The following EYA2 variants were observed in gnomAD, a reference collection of about 807,000 sequenced individuals.
EYA2 encodes protein phosphatase EYA2.
EYA2 carries 31 observed loss-of-function variants against 69.2 expected under a neutral mutation model. That is an observed-to-expected ratio of 0.45 (90% CI 0.34 to 0.60). EYA2 has a LOEUF of 0.60. Ranked by LOEUF, EYA2 falls within the 20% of genes least tolerant of loss-of-function variation. EYA2 has a pLI of 0.02. For synonymous variants in EYA2, 257 were observed against 279.4 expected (o/e 0.92, Z 0.80); for missense variants, 622 against 701.2 (o/e 0.89, Z 1.28).
intron 1 of EYA2, among the ~76,000 whole-genome samples, chr20:46,895,375 C>G (rs1004520610): frequency 6.6e-6 from 1 of 152,254 alleles, no homozygotes; most frequent in African/African-American, 2.4e-5. Context: ...GGCGCTCCCC[C>G]AGTCCGCAAA....
chr20:46,930,482 G>A (rs1233435128), intron 1 of EYA2, among the ~76,000 whole-genome samples: 1 of 152,110 alleles, frequency 6.6e-6, no homozygotes, highest in Non-Finnish European at 1.5e-5. Context: ...TATACACGAA[G>A]CTCAGTTGTC....
intron 9 of EYA2, among the ~76,000 whole-genome samples, chr20:47,109,885 A>G (rs1021393282): frequency 2.0e-5 from 3 of 152,120 alleles, no homozygotes; most frequent in African/African-American, 4.8e-5. Context: ...TGGCCCCACA[A>G]TAAAGGATGA....
intron 7 of EYA2, among the ~76,000 whole-genome samples, 195 bp from the exon 8 acceptor site, chr20:47,089,044 G>A (rs905330453): frequency 6.6e-6 from 1 of 152,200 alleles, no homozygotes; most frequent in Non-Finnish European, 1.5e-5. Flanking sequence ...CTGCTGGATG[G>A]ATGAAAGATA....
At chr20:47,043,492 C>A (rs1295872541) in intron 5 of EYA2, among the ~76,000 whole-genome samples, 1 of 152,200 alleles carries the variant, frequency 6.6e-6, no homozygotes, top group South Asian at 2.1e-4. Flanking sequence ...AGGCCGCATT[C>A]TTTTGTGAGG....
At chr20:47,024,789 C>G (rs1302870728) in intron 5 of EYA2, among the ~76,000 whole-genome samples, 1 of 152,236 alleles carries the variant, frequency 6.6e-6, no homozygotes, top group East Asian at 1.9e-4. Flanking sequence ...TCTTGGAAAC[C>G]TAGTTTTCAA....
At position 47,188,362 on chromosome 20, in the gene EYA2, G is replaced by A; in HGVS notation, c.*229G>A. 1 of 601,818 alleles carries A rather than the reference G, an allele frequency of 1.7e-6. No homozygotes were observed. Among genetic ancestry groups the A allele is most frequent in the Non-Finnish European group, 3.0e-6 (1 of 337,562 alleles). 37.3% of individuals were successfully genotyped at this position (601,818 alleles called of 1,614,324 possible). A position where few individuals can be genotyped will look rare whatever the true frequency, so the allele number is the denominator to read the frequency against. On this transcript the variant is annotated 3_prime_UTR_variant, in exon 16 of 16. Coordinates refer to ENST00000327619, the MANE Select transcript of EYA2 (RefSeq NM_005244.5). ...GGAGTATTTGACTTTGGGGAAAAGGGCTGGCTCGGAGTCTAGACTCTTCTG... is the reference window on the plus strand; with the variant it reads ...GGAGTATTTGACTTTGGGGAAAAGGACTGGCTCGGAGTCTAGACTCTTCTG...
chr20:47,143,981 G>T (rs1244245795), intron 10 of EYA2, among the ~76,000 whole-genome samples: 1 of 152,218 alleles, frequency 6.6e-6, no homozygotes, highest in Non-Finnish European at 1.5e-5. Context: ...GTGAAGAAGG[G>T]GTTTTGGCTG....
At chr20:47,172,435 C>T (rs770182445) in intron 11 of EYA2, among the ~76,000 whole-genome samples, 1 of 152,258 alleles carries the variant, frequency 6.6e-6, no homozygotes, top group African/African-American at 2.4e-5. Flanking sequence ...CAGCGCAAGA[C>T]CCTGTCTCAA....
At chr20:46,996,903 A>T (rs1246685510) in intron 2 of EYA2, among the ~76,000 whole-genome samples, 2 of 152,076 alleles carry the variant, frequency 1.3e-5, no homozygotes, top group Non-Finnish European at 2.9e-5. Flanking sequence ...CTCAAAAAAA[A>T]AAAAGAACAA....
At chr20:47,047,677 G>A (rs891191617) in intron 5 of EYA2, among the ~76,000 whole-genome samples, 5 of 152,142 alleles carry the variant, frequency 3.3e-5, no homozygotes, top group Admixed American at 6.5e-5. Flanking sequence ...GTGAGCCACC[G>A]CGCCCAGCCT....
rs1980627753 is a variant in EYA2, at chr20:46,978,812, A to G, written c.-10-11189A>G. Among the ~76,000 whole-genome samples, 3 of 152,146 alleles carry G rather than the reference A, an allele frequency of 2.0e-5. No individual in the cohort carries two copies. In the South Asian group the frequency reaches 6.2e-4, roughly 32 times the overall value. ...TGGAGGTGAACTTTATAAGGCCTGG[A>G]GATGGATTGGACGTGAGCATTGAAG... On this transcript the variant is annotated intron_variant, in intron 1 of 15. Transcript: ENST00000327619.
At chr20:47,040,130 C>T (rs1044210420) in intron 5 of EYA2, among the ~76,000 whole-genome samples, 14 of 152,056 alleles carry the variant, frequency 9.2e-5, no homozygotes, top group Admixed American at 3.3e-4. Flanking sequence ...CATGAGCCAC[C>T]GCACCTGGCA....
In EYA2 at chr20:47,120,191, G is replaced by A. The variant is rs144484939; in HGVS notation, c.889-22868G>A. ...CCATTGCACTCCAGCCTGGATGACA[G>A]AGCAAGACTCCGCCTCAAAAAAAAA... On this transcript the variant is annotated intron_variant, in intron 9 of 15. Transcript: ENST00000327619. Among the ~76,000 whole-genome samples the A allele has an allele frequency of 5.7e-3, 863 of 152,132 alleles. 10 individuals carry two copies. The highest frequency in any genetic ancestry group is 0.019 in the African/African-American group (785 of 41,522).
chr20:47,022,516 G>A (rs750605608), intron 5 of EYA2, among the ~76,000 whole-genome samples: 15 of 151,928 alleles, frequency 9.9e-5, no homozygotes, highest in Non-Finnish European at 1.5e-4. Context: ...GTTTCACCAC[G>A]TTGGTCAGGC....
intron 8 of EYA2, among the ~76,000 whole-genome samples, chr20:47,091,237 AG>A (rs1239926437): frequency 6.6e-6 from 1 of 152,160 alleles, no homozygotes; most frequent in East Asian, 1.9e-4. Context: ...ATGAGAATCC[AG>A]GGGTCAAGTG....
At chr20:47,146,816 C>T (rs2033711971) in intron 10 of EYA2, among the ~76,000 whole-genome samples, 2 of 152,184 alleles carry the variant, frequency 1.3e-5, no homozygotes, top group Admixed American at 1.3e-4. Context: ...GAAGGGCTTA[C>T]CATTTGCCAG....
chr20:47,029,623 A>C (rs745878390), intron 5 of EYA2, among the ~76,000 whole-genome samples: 1 of 152,198 alleles, frequency 6.6e-6, no homozygotes, highest in Non-Finnish European at 1.5e-5. Context: ...CATTCTGTCT[A>C]CAAGGTTACT....
chr20:46,909,685 T>C (rs1984552463), intron 1 of EYA2, among the ~76,000 whole-genome samples: 1 of 152,230 alleles, frequency 6.6e-6, no homozygotes, highest in Non-Finnish European at 1.5e-5. Flanking sequence ...GATTCTGTAC[T>C]GTGCCACCTG....
chr20:47,151,310 G>T (rs940390552), intron 10 of EYA2, among the ~76,000 whole-genome samples: 7 of 151,606 alleles, frequency 4.6e-5, no homozygotes, highest in Non-Finnish European at 7.4e-5. Context: ...GGCAGAGGTT[G>T]CAGTGAGGCA....
Sources: allele counts gnomAD v4.1 joint callset (sites outside exome capture counted in the v4.1 genomes callset), GRCh38; gene constraint gnomAD v4.1.1; transcripts MANE v1.5; gene names NCBI Gene and HGNC (gene_info 2026-07-23, HGNC 2026-07-21).